CWF19L2: variants seen among roughly 807,000 people sequenced by gnomAD.
CWF19L2 encodes the protein CWF19-like protein 2.
In CWF19L2, 98 loss-of-function variants were observed where a neutral mutation model predicts 111.7. The ratio of observed to expected loss-of-function variants is 0.88; its 90% CI spans 0.75 to 1.04. CWF19L2 has a LOEUF of 1.04. Ranked by LOEUF, CWF19L2 falls within the 50% of genes least tolerant of loss-of-function variation. The pLI is 0.00. For synonymous variants in CWF19L2, 351 were observed against 342.9 expected, an observed-to-expected ratio of 1.02 and a Z score of -0.26; for missense variants, 1,101 against 1,051.4, an observed-to-expected ratio of 1.05 and a Z score of -0.65.
rs562551811 is a variant in CWF19L2 at position 107,445,559 on chromosome 11, G to A, written c.340-2510C>T. Among the ~76,000 whole-genome samples the A allele has an allele frequency of 4.0e-5, 6 of 151,112 alleles. 1 individual carries two copies. The South Asian group carries it at 8.4e-4, about 21-fold the overall frequency. On this transcript the variant is annotated intron_variant, in intron 3 of 17. Transcript: ENST00000282251. ...GCGGGGGTTGTGGTGAGCCAAGATC[G>A]TGCCATTGCACTCCAGCCTGGGGGA...
chr11:107,440,137 G>C (rs142181624), intron 5 of CWF19L2, among the ~76,000 whole-genome samples: 98 of 152,198 alleles, frequency 6.4e-4, no homozygotes, highest in Non-Finnish European at 1.1e-3. Flanking sequence ...ATAAATATAG[G>C]TATGTGAGAT....
intron 12 of CWF19L2, among the ~76,000 whole-genome samples, chr11:107,388,280 A>G (rs1323594901): frequency 6.6e-6 from 1 of 152,216 alleles, no homozygotes; most frequent in African/African-American, 2.4e-5. Context: ...TAAGCGCCTG[A>G]GGGCACAAAC....
rs1859770542 is a variant in CWF19L2, at chr11:107,326,969, C to CT, written c.2625dup (p.Ala876SerfsTer12). 6.2e-7 allele frequency: 1 copy of CT among 1,611,736 alleles called. No homozygotes were observed. Among genetic ancestry groups the CT allele is most frequent in the Admixed American group, 1.7e-5 (1 of 59,678 alleles). ...TTCCACCACTGAGCAAACTGCAGTG[C>CT]TTTTTTCCTCTGATCCTCAAAGCTT... On this transcript the variant is annotated frameshift_variant, in exon 18 of 18. Transcript: ENST00000282251. LOFTEE classifies it high-confidence loss of function.
intron 4 of CWF19L2, among the ~76,000 whole-genome samples, chr11:107,442,253 C>T (rs977004919): frequency 6.6e-6 from 1 of 152,212 alleles, no homozygotes; most frequent in Admixed American, 6.5e-5. Flanking sequence ...TCTAAACATT[C>T]AGCAAACAGC....
chr11:107,341,334 G>A (rs1034273549), intron 14 of CWF19L2, among the ~76,000 whole-genome samples: 1 of 152,078 alleles, frequency 6.6e-6, no homozygotes, highest in Admixed American at 6.6e-5. Flanking sequence ...TAAATGAGTA[G>A]GAATTTCATC....
chr11:107,341,451 G>A (rs936205990), intron 14 of CWF19L2, among the ~76,000 whole-genome samples: 17 of 152,234 alleles, frequency 1.1e-4, no homozygotes, highest in South Asian at 4.1e-4. Context: ...CTTGGACATA[G>A]TGTGTTATTG....
intron 12 of CWF19L2, among the ~76,000 whole-genome samples, chr11:107,358,380 T>A (rs1860270738): frequency 6.6e-6 from 1 of 151,770 alleles, no homozygotes; most frequent in South Asian, 2.1e-4. Flanking sequence ...GCTCGTAATA[T>A]TTGAAGAAAG....
chr11:107,329,851 T>C, intron 17 of CWF19L2, 67 bp downstream of exon 17: 1 of 1,285,978 alleles, frequency 7.8e-7, no homozygotes, highest in Non-Finnish European at 1.1e-6. Context: ...AAAGTTTTTA[T>C]TTCCTTTCAA....
chr11:107,443,355 T>C (rs1449196421), intron 3 of CWF19L2, among the ~76,000 whole-genome samples: 1 of 152,000 alleles, frequency 6.6e-6, no homozygotes, highest in African/African-American at 2.4e-5. Context: ...TGGTGGCGCA[T>C]GCCTGTAATC....
rs184730957 is a variant in CWF19L2 at position 107,355,565 on chromosome 11, G to A, written c.1873-1829C>T. Among the ~76,000 whole-genome samples, 225 of 147,686 alleles carry A rather than the reference G, an allele frequency of 1.5e-3. 1 individual carries two copies. The highest frequency in any genetic ancestry group is 5.3e-3 in the African/African-American group (216 of 40,538). On this transcript the variant is annotated intron_variant, in intron 12 of 17. Transcript: ENST00000282251. ...AGCAGTTCTATTCATGTCAGACAAA[G>A]CAGATTTCATAGCATATAGTATTAT...
chr11:107,410,513 T>C (rs1861141950), intron 10 of CWF19L2, among the ~76,000 whole-genome samples: 1 of 152,166 alleles, frequency 6.6e-6, no homozygotes, highest in African/African-American at 2.4e-5. Context: ...AGCTTTCTAT[T>C]TGAAGTTTCA....
intron 14 of CWF19L2, among the ~76,000 whole-genome samples, chr11:107,340,362 G>C (rs1203729259): frequency 6.6e-6 from 1 of 152,156 alleles, no homozygotes; most frequent in East Asian, 1.9e-4. Context: ...GGTTTAAGCT[G>C]ATACTCAAGT....
chr11:107,421,390 CAAT>C (rs1361086228), intron 8 of CWF19L2, among the ~76,000 whole-genome samples: 2 of 151,802 alleles, frequency 1.3e-5, no homozygotes, highest in Non-Finnish European at 1.5e-5. Context: ...ATTCAAAAAA[CAAT>C]AAAAATCAGA....
intron 12 of CWF19L2, among the ~76,000 whole-genome samples, chr11:107,386,256 C>A (rs925159565): frequency 6.6e-6 from 1 of 152,084 alleles, no homozygotes; most frequent in East Asian, 1.9e-4. Context: ...TCAAGTAATC[C>A]TCCCACCTTG....
At position 107,436,370 on chromosome 11, in the gene CWF19L2, CT is replaced by C. The variant is rs534918891; in HGVS notation, c.665-2622del. On this transcript the variant is annotated intron_variant, in intron 6 of 17. Transcript: ENST00000282251. ...CTTCCATCATATGCTTCCATCATAA[CT>C]CAAAGTTACACTGTTATAGACCAAA... 1.8e-3 allele frequency among the ~76,000 whole-genome samples: 268 copies of C among 152,048 alleles called. 1 individual carries two copies. Among genetic ancestry groups the C allele is most frequent in the African/African-American group, 6.2e-3 (257 of 41,492 alleles).
At chr11:107,387,160 C>T (rs1860779747) in intron 12 of CWF19L2, among the ~76,000 whole-genome samples, 1 of 152,070 alleles carries the variant, frequency 6.6e-6, no homozygotes, top group South Asian at 2.1e-4. Flanking sequence ...GCATTTCATA[C>T]TTCACACATC....
chr11:107,392,485 C>T (rs927510398), intron 11 of CWF19L2, among the ~76,000 whole-genome samples: 2 of 152,072 alleles, frequency 1.3e-5, no homozygotes, highest in Admixed American at 6.5e-5. Flanking sequence ...AGAGCTATAG[C>T]AAGTATGCCA....
intron 12 of CWF19L2, among the ~76,000 whole-genome samples, chr11:107,361,261 T>A (rs552629530): frequency 4.6e-4 from 70 of 152,366 alleles, no homozygotes; most frequent in Non-Finnish European, 9.1e-4. Flanking sequence ...ATCAGTTGAT[T>A]GTAAATATGT....
At chr11:107,455,286 AATT>A in intron 2 of CWF19L2, among the ~76,000 whole-genome samples, 2 of 152,240 alleles carry the variant, frequency 1.3e-5, no homozygotes, top group Middle Eastern at 3.4e-3. Flanking sequence ...AAATTTACAC[AATT>A]ATTATTTGTC....
Sources: gnomAD v4.1 joint callset for allele counts (sites outside exome capture counted in the v4.1 genomes callset) on GRCh38, gnomAD v4.1.1 for gene constraint, MANE v1.5 for transcripts, NCBI Gene and HGNC (gene_info 2026-07-23, HGNC 2026-07-21) for gene names.